The following CHCHD3 variants were observed in gnomAD, a reference collection of about 807,000 sequenced individuals.
CHCHD3 encodes MICOS complex subunit MIC19.
A neutral mutation model predicts 38.2 loss-of-function variants in CHCHD3; 20 were observed. The observed-to-expected ratio is 0.52, with a 90% CI of 0.37 to 0.76. The LOEUF is 0.76. CHCHD3 is among the 30% of genes least tolerant of loss of function. CHCHD3 has a pLI of 0.00. For missense variants in CHCHD3, 245 were observed against 279.2 expected, an observed-to-expected ratio of 0.88 and a Z score of 0.87; for synonymous variants, 82 against 100.0, an observed-to-expected ratio of 0.82 and a Z score of 1.07.
chr7:132,904,915 G>A (rs1288335488), intron 4 of CHCHD3, among the ~76,000 whole-genome samples: 4 of 152,144 alleles, frequency 2.6e-5, no homozygotes, highest in Non-Finnish European at 4.4e-5. Flanking sequence ...GCAGCCATAA[G>A]AAAGGACGAG....
At position 132,963,322 on chromosome 7, in the gene CHCHD3, A is replaced by ATTTT. The variant is rs1005146883; in HGVS notation, c.369+11843_369+11846dup. 6.1e-3 allele frequency among the ~76,000 whole-genome samples: 532 copies of ATTTT among 87,580 alleles called. 25 individuals carry two copies. The highest frequency in any genetic ancestry group is 0.026 in the South Asian group (55 of 2,138). 57.5% of individuals were successfully genotyped at this position (87,580 alleles called of 152,430 possible). ...TTAAGAAAGGAATTTTAAAATTGTA[A>ATTTT]TTTTTTTTTTTTTTTTTTTTTTTTT... On this transcript the variant is annotated intron_variant, in intron 4 of 7. Transcript: ENST00000262570.
chr7:133,025,280 T>C (rs2117443630), intron 2 of CHCHD3, among the ~76,000 whole-genome samples: 1 of 152,316 alleles, frequency 6.6e-6, no homozygotes, highest in Admixed American at 6.5e-5. Context: ...TCTTTCCAAT[T>C]AGAAGACTGT....
chr7:132,992,480 G>A (rs1275307225), intron 3 of CHCHD3, among the ~76,000 whole-genome samples: 1 of 152,142 alleles, frequency 6.6e-6, no homozygotes, highest in African/African-American at 2.4e-5. Flanking sequence ...CTCCCCCAGT[G>A]CTACATCTGA....
chr7:132,829,183 C>A (rs1451453447), intron 6 of CHCHD3, among the ~76,000 whole-genome samples: 8 of 152,244 alleles, frequency 5.3e-5, no homozygotes, highest in Non-Finnish European at 1.5e-5. Flanking sequence ...TTAGAAATGT[C>A]TTTTCCAACT....
intron 5 of CHCHD3, among the ~76,000 whole-genome samples, chr7:132,877,648 T>G (rs1808945635): frequency 6.6e-6 from 1 of 152,172 alleles, no homozygotes; most frequent in Non-Finnish European, 1.5e-5. Flanking sequence ...ATAAAACCTC[T>G]GTTGCTTGTG....
At chr7:132,863,437 G>A (rs572800624) in intron 5 of CHCHD3, among the ~76,000 whole-genome samples, 1 of 152,142 alleles carries the variant, frequency 6.6e-6, no homozygotes, top group Non-Finnish European at 1.5e-5. Context: ...TACCATCCAG[G>A]CTTTGGTGTT....
intron 3 of CHCHD3, among the ~76,000 whole-genome samples, chr7:133,016,516 A>C (rs543910988): frequency 6.6e-6 from 1 of 152,350 alleles, no homozygotes; most frequent in Non-Finnish European, 1.5e-5. Context: ...ACAGAAATTT[A>C]AGATGGGCTA....
At chr7:132,960,740 A>C (rs1295369960) in intron 4 of CHCHD3, among the ~76,000 whole-genome samples, 2 of 152,044 alleles carry the variant, frequency 1.3e-5, no homozygotes, top group African/African-American at 4.8e-5. Flanking sequence ...CACTTTGGGA[A>C]GCCAAGGCAT....
intron 6 of CHCHD3, among the ~76,000 whole-genome samples, chr7:132,814,505 T>C (rs1807150679): frequency 6.6e-6 from 1 of 152,222 alleles, no homozygotes; most frequent in Non-Finnish European, 1.5e-5. Context: ...AGCCAACTCA[T>C]AAGCAGGAAT....
chr7:132,910,299 A>G (rs1463065750), intron 4 of CHCHD3, among the ~76,000 whole-genome samples: 1 of 152,164 alleles, frequency 6.6e-6, no homozygotes, highest in Non-Finnish European at 1.5e-5. Flanking sequence ...TAGTGCCTGC[A>G]ACTCCATAAC....
At chr7:132,849,139 A>T (rs1179781766) in intron 5 of CHCHD3, 2 of 152,188 alleles carry the variant, frequency 1.3e-5, no homozygotes, top group African/African-American at 4.8e-5. Context: ...TACTTGGCAT[A>T]GGGCCTGGTT....
chr7:133,024,004 T>C (rs1393191430), intron 3 of CHCHD3, among the ~76,000 whole-genome samples: 1 of 152,094 alleles, frequency 6.6e-6, no homozygotes, highest in African/African-American at 2.4e-5. Context: ...GAGGAAAAAA[T>C]CTCGAGCAAT....
chr7:133,066,618 A>G (rs541078698), intron 2 of CHCHD3, among the ~76,000 whole-genome samples: 3 of 152,250 alleles, frequency 2.0e-5, no homozygotes, highest in Admixed American at 2.0e-4. Context: ...TGGACCAAAG[A>G]GTTCATCAGT....
At chr7:132,863,948 G>C (rs888560695) in intron 5 of CHCHD3, among the ~76,000 whole-genome samples, 36 of 152,206 alleles carry the variant, frequency 2.4e-4, no homozygotes, top group Admixed American at 6.5e-5. Context: ...GTTGTGGCTG[G>C]TCTGATATTC....
chr7:132,906,061 A>G (rs1405075056), intron 4 of CHCHD3, among the ~76,000 whole-genome samples: 1 of 152,224 alleles, frequency 6.6e-6, no homozygotes, highest in African/African-American at 2.4e-5. Flanking sequence ...CACAAAAATT[A>G]TAACTATGTG....
chr7:132,852,485 C>T (rs1052637725), intron 5 of CHCHD3, among the ~76,000 whole-genome samples: 2 of 151,802 alleles, frequency 1.3e-5, no homozygotes, highest in Non-Finnish European at 2.9e-5. Context: ...TCCTATTGAC[C>T]GAAAATATGA....
At chr7:132,860,792 T>A (rs1317335539) in intron 5 of CHCHD3, among the ~76,000 whole-genome samples, 3 of 152,114 alleles carry the variant, frequency 2.0e-5, no homozygotes, top group African/African-American at 7.2e-5. Context: ...CCTGGCTAAT[T>A]TTTGTATTTT....
chr7:132,946,352 G>C (rs991826224), intron 4 of CHCHD3, among the ~76,000 whole-genome samples: 1 of 151,818 alleles, frequency 6.6e-6, no homozygotes, highest in Admixed American at 6.6e-5. Flanking sequence ...GTCCATAGTA[G>C]GTACTCTATA....
chr7:132,865,535 C>A (rs996710926), intron 5 of CHCHD3, among the ~76,000 whole-genome samples: 1 of 152,110 alleles, frequency 6.6e-6, no homozygotes, highest in Non-Finnish European at 1.5e-5. Flanking sequence ...GAATACAGAT[C>A]CATCCGTGGC....
Sources: allele counts gnomAD v4.1 joint callset (sites outside exome capture counted in the v4.1 genomes callset), GRCh38; gene constraint gnomAD v4.1.1; transcripts MANE v1.5; gene names NCBI Gene and HGNC (gene_info 2026-07-23, HGNC 2026-07-21).